Variants in CCT7 observed in about 807,000 individuals in gnomAD.
CCT7 encodes T-complex protein 1 subunit eta.
Under a neutral mutation model 56.6 loss-of-function variants are expected in CCT7, and 16 were observed. That is an observed-to-expected ratio of 0.28 (90% CI 0.19 to 0.43). CCT7 has a LOEUF of 0.43. CCT7 is among the 20% of genes least tolerant of loss of function. The probability of loss-of-function intolerance (pLI) is 1.00; values close to 1 mark genes in which losing one functional copy is unlikely to be tolerated. For missense variants in CCT7, 519 were observed against 685.6 expected (o/e 0.76, Z 2.71); for synonymous variants, 262 against 254.8 (o/e 1.03, Z -0.27).
At chr2:73,238,525 C>T (rs1686971114) in intron 1 of CCT7, among the ~76,000 whole-genome samples, 1 of 152,278 alleles carries the variant, frequency 6.6e-6, no homozygotes, top group Non-Finnish European at 1.5e-5. Context: ...GCCTTCCTTG[C>T]TCAGACATCC....
intron 6 of CCT7, among the ~76,000 whole-genome samples, chr2:73,245,391 GGGT>G (rs1687291772): frequency 6.6e-6 from 1 of 152,168 alleles, no homozygotes; most frequent in Admixed American, 6.5e-5. Flanking sequence ...GCTTTCTGTA[GGGT>G]GGTGGGACTG....
intron 6 of CCT7, among the ~76,000 whole-genome samples, chr2:73,246,040 A>G (rs540856096): frequency 2.6e-5 from 4 of 152,232 alleles, no homozygotes; most frequent in African/African-American, 9.6e-5. Flanking sequence ...AGGACTAATA[A>G]TCTTACCTGG....
At chr2:73,235,942 C>G (rs1686865059) in intron 1 of CCT7, among the ~76,000 whole-genome samples, 1 of 152,230 alleles carries the variant, frequency 6.6e-6, no homozygotes, top group Non-Finnish European at 1.5e-5. Flanking sequence ...TTTCCCTGAA[C>G]TGACCCCTCC....
At chr2:73,234,489 T>C (rs954354769) in intron 1 of CCT7, 105 bp downstream of exon 1, 51 of 1,331,032 alleles carry the variant, frequency 3.8e-5, no homozygotes, top group Non-Finnish European at 4.9e-5. Context: ...GCTTGCCGCC[T>C]CTGTCCTCGC....
chr2:73,240,999 C>T (rs189881441), intron 3 of CCT7, among the ~76,000 whole-genome samples: 6 of 140,514 alleles, frequency 4.3e-5, no homozygotes, highest in Non-Finnish European at 7.5e-5. Flanking sequence ...CTTCCTTAGT[C>T]GTTGGAACTA....
intron 1 of CCT7, among the ~76,000 whole-genome samples, chr2:73,238,628 T>G (rs1167787711): frequency 6.6e-6 from 1 of 152,252 alleles, no homozygotes; most frequent in African/African-American, 2.4e-5. Flanking sequence ...GTAACAAATT[T>G]AACACAATAA....
intron 10 of CCT7, 85 bp downstream of exon 10, chr2:73,250,523 C>A: frequency 6.7e-7 from 1 of 1,501,066 alleles, no homozygotes; most frequent in South Asian, 1.2e-5. Flanking sequence ...TGTGGTGATT[C>A]CTTCTCTATA....
chr2:73,251,950 A>AG lies in CCT7; in HGVS notation c.1410+518_1410+519insG, dbSNP rs1553379921. ...TGAGACTCCATCTCAAAAAAAAAAA[A>AG]AGAGTATGATTGCTTCTTATGGTAC... On this transcript the variant is annotated intron_variant, in intron 11 of 11. Coordinates refer to ENST00000258091, the MANE Select transcript of CCT7 (RefSeq NM_006429.4). Among the ~76,000 whole-genome samples the AG allele has an allele frequency of 2.0e-5, 3 of 152,070 alleles. No homozygotes were observed. In the East Asian group the frequency reaches 5.8e-4, roughly 29 times the overall value.
At chr2:73,247,644 A>T in intron 6 of CCT7, 118 bp from the exon 7 acceptor site, 6 of 765,772 alleles carry the variant, frequency 7.8e-6, no homozygotes, top group Non-Finnish European at 1.0e-5. Context: ...CAGCAGTGAA[A>T]TAAAGACATG....
chr2:73,236,199 A>C (rs972257172), intron 1 of CCT7, among the ~76,000 whole-genome samples: 2 of 152,242 alleles, frequency 1.3e-5, no homozygotes, highest in Non-Finnish European at 2.9e-5. Flanking sequence ...CTTGGCATAG[A>C]CACACTTGTT....
chr2:73,242,977 C>T (rs368173010), intron 3 of CCT7, 27 bp from the exon 4 acceptor site: 171 of 1,612,762 alleles, frequency 1.1e-4, no homozygotes, highest in South Asian at 1.3e-4. Flanking sequence ...CATCAGAAAA[C>T]GTGTATTTCC....
Position 73,238,330 on chromosome 2 carries a change from C to T in CCT7, c.7-1313C>T, listed in dbSNP as rs142785724. On this transcript the variant is annotated intron_variant, in intron 1 of 11. Transcript: ENST00000258091. Reference sequence around the variant, plus strand: ...TGTATGTGATCTGGTTCCTGCCTGCCTCTTCAGCTTTATTCCAGTCTTCCT... The same window carrying T: ...TGTATGTGATCTGGTTCCTGCCTGCTTCTTCAGCTTTATTCCAGTCTTCCT... 3.6e-4 allele frequency among the ~76,000 whole-genome samples: 55 copies of T among 152,348 alleles called. No homozygotes were observed. The East Asian group carries it at 7.9e-3, about 22-fold the overall frequency.
At chr2:73,247,578 T>TA (rs75081096) in intron 6 of CCT7, among the ~76,000 whole-genome samples, 184 bp from the exon 7 acceptor site, 4,204 of 145,132 alleles carry the variant, frequency 0.029, 72 homozygotes, top group Non-Finnish European at 0.044. Flanking sequence ...TTGTGTTATT[T>TA]AAAAAAAAAA....
chr2:73,243,189 A>G (rs1160770239), intron 4 of CCT7, 60 bp downstream of exon 4: 8 of 1,584,690 alleles, frequency 5.0e-6, no homozygotes, highest in Non-Finnish European at 6.9e-6. Context: ...TCTCTTAGGA[A>G]GGGGAATTTC....
chr2:73,243,992 G>A lies in CCT7; in HGVS notation c.394-5G>A. ...AGAGACTCATTCAACTTCTGTTCTT[G>A]GCAGGCAGTTAACAAGATCAAAGAG... On this transcript the variant is annotated splice_polypyrimidine_tract_variant and splice_region_variant and intron_variant, in intron 4 of 11. Coordinates refer to ENST00000258091, the MANE Select transcript of CCT7 (RefSeq NM_006429.4). The A allele has an allele frequency of 6.2e-7, 1 of 1,613,664 alleles. No homozygotes were observed. Among genetic ancestry groups the A allele is most frequent in the South Asian group, 1.1e-5 (1 of 91,038 alleles).
intron 1 of CCT7, among the ~76,000 whole-genome samples, chr2:73,236,715 A>G (rs1185896912): frequency 6.6e-6 from 1 of 152,244 alleles, no homozygotes; most frequent in African/African-American, 2.4e-5. Context: ...TGGACTTTGC[A>G]TACAGTGCCT....
In CCT7 at chr2:73,252,648, A is replaced by G. The variant is rs754522329; in HGVS notation, c.1419A>G (p.Thr473=). The change falls in exon 12 of 12, where the codon ACA becomes ACG. Residue 473 remains threonine (T), a synonymous_variant. Coordinates refer to ENST00000258091, the MANE Select transcript of CCT7 (RefSeq NM_006429.4). ...KLRARHAQGG[T]WYGVDINNED... is the part of the protein sequence containing the mutation. ...TTTTCCTACTCTTTTAGGGGGGTAC[A>G]TGGTATGGAGTAGACATCAACAACG... The G allele has an allele frequency of 1.2e-5, 19 of 1,613,204 alleles. No individual in the cohort carries two copies. The highest frequency in any genetic ancestry group is 1.1e-4 in the East Asian group (5 of 44,884).
At chr2:73,245,681 C>T (rs541600363) in intron 6 of CCT7, among the ~76,000 whole-genome samples, 8 of 152,158 alleles carry the variant, frequency 5.3e-5, no homozygotes, top group Non-Finnish European at 1.0e-4. Context: ...TCAACTGAAG[C>T]GATTTGGATA....
intron 3 of CCT7, 96 bp from the exon 4 acceptor site, chr2:73,242,906 AAT>A (rs1687175557): frequency 7.1e-7 from 1 of 1,406,200 alleles, no homozygotes; most frequent in Non-Finnish European, 9.9e-7. Context: ...CCATTTAAAT[AAT>A]ATTCAGTTTA....
Sources: gnomAD v4.1 joint callset for allele counts (sites outside exome capture counted in the v4.1 genomes callset) on GRCh38, gnomAD v4.1.1 for gene constraint, MANE v1.5 for transcripts, NCBI Gene and HGNC (gene_info 2026-07-23, HGNC 2026-07-21) for gene names.